Variants in UNC79 observed in about 807,000 individuals in gnomAD.
UNC79 encodes unc-79 subunit of NALCN channel complex, also known as protein unc-79 homolog.
UNC79 carries 37 observed loss-of-function variants against 283.1 expected under a neutral mutation model. The ratio of observed to expected loss-of-function variants is 0.13; its 90% CI spans 0.10 to 0.17. The LOEUF (loss-of-function observed/expected upper bound fraction) is 0.17. Ranked by LOEUF, UNC79 falls within the 10% of genes least tolerant of loss-of-function variation. The pLI, the probability that UNC79 is intolerant of heterozygous loss-of-function variation, is 1.00. For synonymous variants in UNC79, 1,107 were observed against 1,200.2 expected, an observed-to-expected ratio of 0.92 and a Z score of 1.61; for missense variants, 2,272 against 3,211.1, an observed-to-expected ratio of 0.71 and a Z score of 7.07.
chr14:93,492,739 GGTCAGTGATGGCTCTGAACAAC>G (rs1399153413), intron 5 of UNC79, among the ~76,000 whole-genome samples: 3 of 152,182 alleles, frequency 2.0e-5, no homozygotes, highest in African/African-American at 7.2e-5. Flanking sequence ...TATGTTCATG[GGTCAGTGATGGCTCTGAACAAC>G]GTTCATATAG....
At chr14:93,357,350 G>A (rs1354978654) in intron 1 of UNC79, among the ~76,000 whole-genome samples, 1 of 152,074 alleles carries the variant, frequency 6.6e-6, no homozygotes, top group Non-Finnish European at 1.5e-5. Flanking sequence ...TTGGTCCTGG[G>A]TGTGTCTGTG....
At chr14:93,496,566 T>C (rs1444427076) in intron 6 of UNC79, 100 bp downstream of exon 6, 1 of 709,028 alleles carries the variant, frequency 1.4e-6, no homozygotes, top group African/African-American at 1.8e-5. Context: ...GTCAAATTTA[T>C]TGACGTCCTA....
chr14:93,524,519 G>C (rs1402702322), intron 8 of UNC79, among the ~76,000 whole-genome samples: 1 of 152,124 alleles, frequency 6.6e-6, no homozygotes, highest in Non-Finnish European at 1.5e-5. Flanking sequence ...CATATACATG[G>C]AAAGTTACAT....
At chr14:93,542,323 C>T (rs917120437) in intron 13 of UNC79, 143 bp from the exon 14 acceptor site, 18 of 783,722 alleles carry the variant, frequency 2.3e-5, no homozygotes, top group African/African-American at 8.7e-5. Context: ...TCTGGATAAG[C>T]GATCCCCATT....
chr14:93,482,534 T>C (rs1401943643), intron 4 of UNC79, among the ~76,000 whole-genome samples: 1 of 152,166 alleles, frequency 6.6e-6, no homozygotes, highest in Non-Finnish European at 1.5e-5. Flanking sequence ...GAGGCCCGCG[T>C]AGAGGTGAGA....
intron 23 of UNC79, 56 bp from the exon 24 acceptor site, chr14:93,597,303 G>T: frequency 1.9e-6 from 3 of 1,559,100 alleles, no homozygotes; most frequent in Non-Finnish European, 1.8e-6. Flanking sequence ...ATGTGTATGC[G>T]TGTGCCTGTA....
intron 1 of UNC79, among the ~76,000 whole-genome samples, chr14:93,414,871 G>A (rs910477159): frequency 1.5e-4 from 23 of 152,152 alleles, no homozygotes; most frequent in Admixed American, 1.0e-3. Flanking sequence ...CATTGATTTT[G>A]TATCCTGAGA....
intron 20 of UNC79, among the ~76,000 whole-genome samples, chr14:93,584,245 C>T (rs2064046768): frequency 6.6e-6 from 1 of 152,214 alleles, no homozygotes; most frequent in Non-Finnish European, 1.5e-5. Context: ...TGCCCCTGGT[C>T]ATGTCACTCC....
intron 41 of UNC79, among the ~76,000 whole-genome samples, chr14:93,676,867 G>C (rs1384781018): frequency 6.6e-6 from 1 of 152,184 alleles, no homozygotes; most frequent in African/African-American, 2.4e-5. Flanking sequence ...TGTGTTTTAT[G>C]GGTTTTCATC....
At chr14:93,431,286 G>C (rs1429236538) in intron 1 of UNC79, among the ~76,000 whole-genome samples, 2 of 151,970 alleles carry the variant, frequency 1.3e-5, no homozygotes, top group African/African-American at 4.8e-5. Context: ...TCCAGCGGGG[G>C]TTTCTCAAGA....
At chr14:93,624,124 C>T (rs1174628785) in intron 30 of UNC79, among the ~76,000 whole-genome samples, 7 of 152,126 alleles carry the variant, frequency 4.6e-5, no homozygotes, top group Non-Finnish European at 8.8e-5. Context: ...CACGTTTTCC[C>T]GCTGTTCCAC....
At chr14:93,358,821 A>G (rs1314245609) in intron 1 of UNC79, among the ~76,000 whole-genome samples, 1 of 152,142 alleles carries the variant, frequency 6.6e-6, no homozygotes, top group Non-Finnish European at 1.5e-5. Flanking sequence ...GTCAGTTGCC[A>G]GGCAAGATAA....
chr14:93,522,989 T>C (rs1426647757), intron 7 of UNC79, among the ~76,000 whole-genome samples: 1 of 152,182 alleles, frequency 6.6e-6, no homozygotes, highest in Non-Finnish European at 1.5e-5. Context: ...GAATTATAAT[T>C]GAATATGTAA....
At chr14:93,558,209 C>G (rs2141381487) in intron 14 of UNC79, among the ~76,000 whole-genome samples, 1 of 152,200 alleles carries the variant, frequency 6.6e-6, no homozygotes, top group East Asian at 1.9e-4. Flanking sequence ...TATCACAGTA[C>G]AGCAGATTCG....
chr14:93,493,397 G>A (rs575865373), intron 5 of UNC79, among the ~76,000 whole-genome samples: 16 of 152,292 alleles, frequency 1.1e-4, no homozygotes, highest in Admixed American at 2.6e-4. Flanking sequence ...GGAAGCTGCT[G>A]AACGGCTTTG....
intron 22 of UNC79, 93 bp downstream of exon 22, chr14:93,587,001 G>T (rs2064266358): frequency 1.3e-6 from 2 of 1,505,136 alleles, no homozygotes; most frequent in Non-Finnish European, 1.8e-6. Context: ...GCTTGTTTGG[G>T]TTATTTTTTG....
intron 1 of UNC79, among the ~76,000 whole-genome samples, chr14:93,392,142 G>A (rs554149765): frequency 2.6e-5 from 4 of 152,302 alleles, no homozygotes; most frequent in Admixed American, 1.3e-4. Context: ...GTATATAGTA[G>A]CATTACATTT....
chr14:93,376,098 C>G (rs560131338), intron 1 of UNC79, among the ~76,000 whole-genome samples: 1 of 152,258 alleles, frequency 6.6e-6, no homozygotes, highest in East Asian at 1.9e-4. Flanking sequence ...AATTTCTTTT[C>G]TTATAAATTA....
exon 15 of UNC79, chr14:93,571,956 A>G: frequency 6.2e-7 from 1 of 1,614,202 alleles, no homozygotes; most frequent in Non-Finnish European, 8.5e-7. Context: ...GTCTCAACCG[A>G]ATCCTCTGCC....
Sources: gnomAD v4.1 joint callset for allele counts (sites outside exome capture counted in the v4.1 genomes callset) on GRCh38, gnomAD v4.1.1 for gene constraint, MANE v1.5 for transcripts, NCBI Gene and HGNC (gene_info 2026-07-23, HGNC 2026-07-21) for gene names.